SASH1: variants seen among roughly 807,000 people sequenced by gnomAD.
SASH1 encodes SAM and SH3 domain-containing protein 1.
Under a neutral mutation model 125.2 loss-of-function variants are expected in SASH1, and 44 were observed. That is an observed-to-expected ratio of 0.35 (90% CI 0.28 to 0.45). The LOEUF is 0.45. Ranked by LOEUF, SASH1 falls within the 20% of genes least tolerant of loss-of-function variation. SASH1 has a pLI of 1.00. For synonymous variants in SASH1, 639 were observed against 649.1 expected (o/e 0.98, Z 0.24); for missense variants, 1,426 against 1,614.5 (o/e 0.88, Z 2.00).
At chr6:148,370,544 C>A (rs1377470919) in intron 1 of SASH1, among the ~76,000 whole-genome samples, 1 of 152,100 alleles carries the variant, frequency 6.6e-6, no homozygotes, top group East Asian at 1.9e-4. Flanking sequence ...TCTGACCTGG[C>A]CAGGTGCGGT....
At chr6:148,390,611 C>T (rs920453317) in intron 2 of SASH1, among the ~76,000 whole-genome samples, 5 of 152,020 alleles carry the variant, frequency 3.3e-5, no homozygotes, top group African/African-American at 7.2e-5. Flanking sequence ...ACGGTGAAAC[C>T]CCGTCTCTAC....
At chr6:148,508,349 T>C in intron 8 of SASH1, 1 of 396,976 alleles carries the variant, frequency 2.5e-6, no homozygotes, top group Non-Finnish European at 3.4e-6. Flanking sequence ...AAAAGAGATC[T>C]TTTTTTAAGT....
chr6:148,450,985 T>C (rs930020350), intron 4 of SASH1, among the ~76,000 whole-genome samples: 2 of 152,228 alleles, frequency 1.3e-5, no homozygotes, highest in Non-Finnish European at 2.9e-5. Context: ...ATCAAGAGCA[T>C]AGTAAGTGCT....
intron 1 of SASH1, among the ~76,000 whole-genome samples, chr6:148,346,533 G>C (rs972323344): frequency 2.2e-4 from 33 of 151,840 alleles, no homozygotes; most frequent in African/African-American, 7.0e-4. Context: ...TGGAGGGCAG[G>C]GTCAGTGTCT....
upstream of SASH1, chr6:148,342,637 G>C (rs1016119592): frequency 6.6e-6 from 1 of 152,202 alleles, no homozygotes; most frequent in African/African-American, 2.4e-5. Context: ...AAGATCTAGA[G>C]GCTCCGCGGC....
chr6:148,199,961 G>C, the SASH1 span, among the ~76,000 whole-genome samples: 9 of 152,138 alleles, frequency 5.9e-5, no homozygotes, highest in African/African-American at 2.2e-4. Context: ...ATATTGAATA[G>C]GTCACCCTGA....
the SASH1 span, among the ~76,000 whole-genome samples, chr6:148,207,531 A>G: frequency 6.6e-6 from 1 of 152,106 alleles, no homozygotes; most frequent in Non-Finnish European, 1.5e-5. Context: ...TTAAGCTGTT[A>G]TTAGTTGTTT....
chr6:148,432,273 G>A (rs1448849067), intron 2 of SASH1, among the ~76,000 whole-genome samples: 4 of 152,140 alleles, frequency 2.6e-5, no homozygotes, highest in Non-Finnish European at 5.9e-5. Flanking sequence ...CCACGCCTGA[G>A]CAATATATAC....
intron 1 of SASH1, among the ~76,000 whole-genome samples, chr6:148,349,230 T>C (rs2114656256): frequency 7.0e-6 from 1 of 143,882 alleles, no homozygotes; most frequent in East Asian, 2.0e-4. Context: ...AACTTTTTTA[T>C]TTCATTCTTT....
intron 1 of SASH1, among the ~76,000 whole-genome samples, chr6:148,371,108 C>T (rs1488996837): frequency 3.9e-5 from 6 of 152,258 alleles, no homozygotes; most frequent in Non-Finnish European, 7.4e-5. Flanking sequence ...TCTCCCTTCC[C>T]TCCTCCATGT....
chr6:148,490,134 T>A (rs573214666), intron 8 of SASH1, among the ~76,000 whole-genome samples: 1 of 151,948 alleles, frequency 6.6e-6, no homozygotes, highest in South Asian at 2.1e-4. Flanking sequence ...ATTCACACTG[T>A]TTCAATATGA....
At position 148,549,432 on chromosome 6, in the gene SASH1, T is replaced by G. The variant is rs1402837693; in HGVS notation, c.*874T>G. Reference sequence around the variant, plus strand: ...GTGCGTGCGTGCGTGCGCGTGTGTGTCTGTATTCATAGTGACTGCTTTTGG... The same window carrying G: ...GTGCGTGCGTGCGTGCGCGTGTGTGGCTGTATTCATAGTGACTGCTTTTGG... On this transcript the variant is annotated 3_prime_UTR_variant, in exon 20 of 20. Transcript: ENST00000367467. 2.5e-6 allele frequency: 1 copy of G among 394,202 alleles called. No homozygotes were observed. The highest frequency in any genetic ancestry group is 4.5e-6 in the Non-Finnish European group (1 of 223,472). The allele number at this position is 394,202 out of a possible 1,614,324, so 24.4% of individuals were successfully genotyped here.
At chr6:148,370,925 C>G (rs1177014238) in intron 1 of SASH1, among the ~76,000 whole-genome samples, 2 of 152,198 alleles carry the variant, frequency 1.3e-5, no homozygotes, top group Non-Finnish European at 2.9e-5. Context: ...AAGGTATTCT[C>G]AAATGAGGAC....
Position 148,529,580 on chromosome 6 carries a change from CT to C in SASH1, c.1429-1943del, listed in dbSNP as rs34072123. On this transcript the variant is annotated intron_variant, in intron 12 of 19. Transcript: ENST00000367467. This position sits in a 1 kb window ranked among gnomAD's most constrained non-coding sequence, Gnocchi z 4.2. The stretch of plus-strand genomic sequence containing the variant: ...TGAAACAGCCACTAAAACTCTTAAG[CT>C]TTACGTTCACAGAGGTTTTCTGCTT... Among the ~76,000 whole-genome samples, 64,049 of 151,832 alleles carry C rather than the reference CT, an allele frequency of 0.42. 13,737 individuals carry two copies. The highest frequency in any genetic ancestry group is 0.48 in the African/African-American group (19,757 of 41,368).
intron 1 of SASH1, among the ~76,000 whole-genome samples, chr6:148,389,525 T>C (rs1291650500): frequency 6.6e-6 from 1 of 152,212 alleles, no homozygotes; most frequent in Non-Finnish European, 1.5e-5. Context: ...TAATGAACAC[T>C]AATGACTAAA....
chr6:148,471,046 A>G (rs758876476), intron 5 of SASH1, among the ~76,000 whole-genome samples: 12 of 152,150 alleles, frequency 7.9e-5, no homozygotes, highest in Non-Finnish European at 1.3e-4. Context: ...TTTGTGGTGT[A>G]GTTGAAATAA....
chr6:148,485,870 T>C (rs181125499), intron 7 of SASH1, among the ~76,000 whole-genome samples: 111 of 152,338 alleles, frequency 7.3e-4, no homozygotes, highest in African/African-American at 2.6e-3. Flanking sequence ...GTTTTTAAGT[T>C]GCTTGGCACA....
chr6:148,409,459 G>A (rs1784525855), intron 2 of SASH1, among the ~76,000 whole-genome samples: 1 of 152,220 alleles, frequency 6.6e-6, no homozygotes, highest in Admixed American at 6.5e-5. Context: ...ATATTGCTAA[G>A]GCAAGAGAGG....
In SASH1 at chr6:148,367,201, G is replaced by C. The variant is rs148075708; in HGVS notation, c.157-22933G>C. Among the ~76,000 whole-genome samples the C allele has an allele frequency of 5.9e-5, 9 of 152,242 alleles. No individual in the cohort carries two copies. In the East Asian group the frequency reaches 1.7e-3, roughly 29 times the overall value. ...GGCCTCCCAAAGTGCGGGGATTACAGGCGTGAGCCACCGCACCTGGCCACA... is the reference window on the plus strand; with the variant it reads ...GGCCTCCCAAAGTGCGGGGATTACACGCGTGAGCCACCGCACCTGGCCACA... On this transcript the variant is annotated intron_variant, in intron 1 of 19. Transcript: ENST00000367467.
Sources: allele counts gnomAD v4.1 joint callset (sites outside exome capture counted in the v4.1 genomes callset), GRCh38; gene constraint gnomAD v4.1.1; non-coding constraint Gnocchi (gnomAD v3.1); transcripts MANE v1.5; gene names NCBI Gene and HGNC (gene_info 2026-07-23, HGNC 2026-07-21).